Variants in CR1L observed in about 807,000 individuals in gnomAD.
The protein encoded by CR1L is complement component receptor 1-like protein.
A neutral mutation model predicts 62.3 loss-of-function variants in CR1L; 59 were observed. That is an observed-to-expected ratio of 0.95 (90% CI 0.77 to 1.18). CR1L has a LOEUF of 1.18. Among genes scored for constraint, CR1L ranks in the 50% most tolerant of loss-of-function variants. The pLI is 0.00. For missense variants in CR1L, 700 were observed against 702.8 expected (o/e 1.00, Z 0.04); for synonymous variants, 279 against 248.7 (o/e 1.12, Z -1.15).
chr1:207,699,631 C>A (rs1664161279), intron 8 of CR1L, among the ~76,000 whole-genome samples: 1 of 152,070 alleles, frequency 6.6e-6, no homozygotes, highest in African/African-American at 2.4e-5. Context: ...CTTCTTCTCT[C>A]CCTCTCTCCT....
intron 3 of CR1L, 136 bp downstream of exon 3, chr1:207,678,433 A>G (rs1663737572): frequency 8.3e-6 from 6 of 727,230 alleles, no homozygotes; most frequent in Non-Finnish European, 1.4e-5. Flanking sequence ...ACAGGTGCTT[A>G]GCTCCTGACT....
In CR1L at chr1:207,694,688, C is replaced by T. The variant is rs774796966; in HGVS notation, c.799C>T (p.Pro267Ser). 5 of 1,611,878 alleles carry T rather than the reference C, an allele frequency of 3.1e-6. No homozygotes were observed. In the South Asian group the frequency reaches 4.4e-5, roughly 14 times the overall value. Residue 267 changes from proline to serine, a missense_variant, in exon 5 of 12, where the codon CCC becomes TCC. Transcript: ENST00000508064. ...RCQPGFGMKG[P>S]SHVKCQALNK... Reference sequence around the variant, plus strand: ...TCAGCCTGGCTTTGGCATGAAAGGGCCCTCCCATGTGAAGTGCCAGGCCCT... The same window carrying T: ...TCAGCCTGGCTTTGGCATGAAAGGGTCCTCCCATGTGAAGTGCCAGGCCCT...
intron 1 of CR1L, among the ~76,000 whole-genome samples, chr1:207,663,426 C>T (rs1437873409): frequency 1.3e-5 from 2 of 152,212 alleles, no homozygotes; most frequent in Non-Finnish European, 2.9e-5. Flanking sequence ...ACTCCGTGGG[C>T]GTAGGACCCT....
At chr1:207,704,669 C>T (rs563869731) in intron 9 of CR1L, among the ~76,000 whole-genome samples, 2 of 152,314 alleles carry the variant, frequency 1.3e-5, no homozygotes, top group South Asian at 4.1e-4. Context: ...AGACCCTCCA[C>T]CAGCAAAAAG....
rs1663998290 is a variant in CR1L, at chr1:207,691,695, T to A, written c.464-2658T>A. On this transcript the variant is annotated intron_variant, in intron 4 of 11. Coordinates refer to ENST00000508064, the MANE Select transcript of CR1L (RefSeq NM_175710.2). ...TAAATCACTACTCTAGAGACAGACA[T>A]CCTTGATTTACTATAGTCTACTAAA... Among the ~76,000 whole-genome samples, 4 of 152,320 alleles carry A rather than the reference T, an allele frequency of 2.6e-5. No individual in the cohort carries two copies. The South Asian group carries it at 8.3e-4, about 32-fold the overall frequency.
rs34807467 is a variant in CR1L, at chr1:207,678,996, CTT to C, written c.377+716_377+717del. On this transcript the variant is annotated intron_variant, in intron 3 of 11. Coordinates refer to ENST00000508064, the MANE Select transcript of CR1L (RefSeq NM_175710.2). Reference sequence around the variant, plus strand: ...TCTGTGCATGTCTGTGTCCAAAGTTCTTTTTTTTTTTTTTTTTTGAGATGGAG... The same window carrying C: ...TCTGTGCATGTCTGTGTCCAAAGTTCTTTTTTTTTTTTTTTTGAGATGGAG... 9.5e-3 allele frequency among the ~76,000 whole-genome samples: 1,244 copies of C among 131,106 alleles called. 13 individuals carry two copies. Among genetic ancestry groups the C allele is most frequent in the Middle Eastern group, 0.033 (9 of 272 alleles). The allele number at this position is 131,106 out of a possible 152,430, so 86.0% of individuals were successfully genotyped here.
intron 8 of CR1L, among the ~76,000 whole-genome samples, chr1:207,700,296 C>T (rs1216147474): frequency 6.6e-6 from 1 of 152,162 alleles, no homozygotes; most frequent in East Asian, 1.9e-4. Flanking sequence ...TCTAAGAAAT[C>T]CAGTGCTCCT....
rs2102483701 is a variant in CR1L at position 207,717,598 on chromosome 1, A to G, written c.1549A>G (p.Ile517Val). The G allele has an allele frequency of 1.2e-6, 2 of 1,613,914 alleles. No homozygotes were observed. The highest frequency in any genetic ancestry group is 1.7e-6 in the Non-Finnish European group (2 of 1,179,866). ...HPDRGMTFNLIGESTIRRTSE... is the reference protein window; with the variant it reads ...HPDRGMTFNLVGESTIRRTSE... ...AGACAGAGGGATGACCTTCAACCTC[A>G]TTGGGGAGAGCACCATCCGCCGCAC... The change falls in exon 11 of 12, where the codon ATT becomes GTT. Residue 517 changes from isoleucine to valine, a missense_variant. Transcript: ENST00000508064.
chr1:207,723,551 T>G, intron 11 of CR1L, 67 bp from the exon 12 acceptor site: 5 of 1,300,926 alleles, frequency 3.8e-6, no homozygotes, highest in Non-Finnish European at 5.4e-6. Context: ...TGTCACTGGC[T>G]GAGAAGTCCT....
intron 9 of CR1L, 34 bp from the exon 10 acceptor site, chr1:207,708,144 T>G (rs35438924): frequency 0.59 from 938,939 of 1,598,842 alleles, 281,600 homozygotes; most frequent in East Asian, 0.87. Flanking sequence ...ATGAGGTATG[T>G]ACAGCACAAT....
In CR1L at chr1:207,650,005, G is replaced by C. The variant is rs562208190; in HGVS notation, c.97+4675G>C. On this transcript the variant is annotated intron_variant, in intron 1 of 11. Coordinates refer to ENST00000508064, the MANE Select transcript of CR1L (RefSeq NM_175710.2). ...TCAGTTGTGGAAACATAACTTGTTT[G>C]GGGGGCGTGTGTGTGTATGTGTATG... Among the ~76,000 whole-genome samples the C allele has an allele frequency of 2.4e-3, 364 of 152,176 alleles. 3 individuals are homozygous for C. The highest frequency in any genetic ancestry group is 8.5e-3 in the African/African-American group (351 of 41,528).
At chr1:207,647,702 T>C (rs920942667) in intron 1 of CR1L, among the ~76,000 whole-genome samples, 1 of 152,184 alleles carries the variant, frequency 6.6e-6, no homozygotes, top group Non-Finnish European at 1.5e-5. Context: ...TAAAGAGCTA[T>C]GCTCAGGATG....
chr1:207,717,614 T>C lies in CR1L; in HGVS notation c.1565T>C (p.Ile522Thr), dbSNP rs2102483730. The change falls in exon 11 of 12, where the codon ATC (isoleucine) becomes ACC (threonine). Residue 522 changes from isoleucine (I) to threonine (T), a missense_variant. By Grantham distance (89) the Ile-to-Thr change is moderately conservative. Transcript: ENST00000508064. ...MTFNLIGESTIRRTSEPHGNG... is the reference protein window; with the variant it reads ...MTFNLIGESTTRRTSEPHGNG... ...TTCAACCTCATTGGGGAGAGCACCA[T>C]CCGCCGCACAAGTGAACCTCATGGG... The C allele has an allele frequency of 6.2e-7, 1 of 1,613,982 alleles. No individual in the cohort carries two copies.
chr1:207,672,644 T>C (rs1663630419), intron 1 of CR1L, among the ~76,000 whole-genome samples: 1 of 152,108 alleles, frequency 6.6e-6, no homozygotes, highest in Admixed American at 6.6e-5. Flanking sequence ...TTCATGGGGA[T>C]AGACCACATT....
intron 10 of CR1L, among the ~76,000 whole-genome samples, chr1:207,709,693 T>C (rs920464518): frequency 2.0e-5 from 3 of 151,656 alleles, no homozygotes; most frequent in Non-Finnish European, 4.4e-5. Flanking sequence ...AGAAGTTAGC[T>C]GAGCATGGTC....
chr1:207,677,423 C>T lies in CR1L; in HGVS notation c.132C>T (p.Ala44=). 6.2e-7 allele frequency: 1 copy of T among 1,613,146 alleles called. No individual in the cohort carries two copies. Among genetic ancestry groups the T allele is most frequent in the African/African-American group, 1.3e-5 (1 of 74,920 alleles). The change falls in exon 2 of 12, where the codon GCC becomes GCT. Residue 44 remains alanine (A), a synonymous_variant. Coordinates refer to ENST00000508064, the MANE Select transcript of CR1L (RefSeq NM_175710.2). ...ATGTCCCGGAATGGCTTCCATTTGC[C>T]AGGCCTACCAACCTAACTGATGACT... ...QCNVPEWLPF[A]RPTNLTDDFE... is the part of the protein sequence containing the mutation.
chr1:207,691,443 T>C (rs1558020046), intron 4 of CR1L, among the ~76,000 whole-genome samples: 2 of 151,960 alleles, frequency 1.3e-5, no homozygotes, highest in African/African-American at 2.4e-5. Flanking sequence ...TCTTTCTTTG[T>C]TGTTCATTAG....
chr1:207,678,025 A>T (rs1316468232), intron 2 of CR1L, among the ~76,000 whole-genome samples, 173 bp from the exon 3 acceptor site: 1 of 152,092 alleles, frequency 6.6e-6, no homozygotes. Flanking sequence ...GCTTTTTTTG[A>T]AAGGGAGCTG....
At chr1:207,718,321 C>A (rs1654053459) in intron 11 of CR1L, among the ~76,000 whole-genome samples, 2 of 152,222 alleles carry the variant, frequency 1.3e-5, no homozygotes, top group Admixed American at 1.3e-4. Context: ...CTTTAAACGA[C>A]AGTACTTGAC....
Sources: allele counts gnomAD v4.1 joint callset (sites outside exome capture counted in the v4.1 genomes callset), GRCh38; gene constraint gnomAD v4.1.1; transcripts MANE v1.5; gene names NCBI Gene and HGNC (gene_info 2026-07-23, HGNC 2026-07-21).